The following CNST variants were observed in gnomAD, a reference collection of about 807,000 sequenced individuals.
CNST encodes consortin.
A neutral mutation model predicts 72.4 loss-of-function variants in CNST; 39 were observed. The ratio of observed to expected loss-of-function variants is 0.54; its 90% CI spans 0.42 to 0.70. The LOEUF (loss-of-function observed/expected upper bound fraction) is 0.70, where lower values mean the gene tolerates loss of function less well. Ranked by LOEUF, CNST falls within the 30% of genes least tolerant of loss-of-function variation. The probability of loss-of-function intolerance (pLI) is 0.00; values close to 1 mark genes in which losing one functional copy is unlikely to be tolerated. For missense variants in CNST, 871 were observed against 868.5 expected (o/e 1.00, Z -0.04); for synonymous variants, 332 against 320.1 (o/e 1.04, Z -0.40).
At chr1:246,646,575 G>A (rs142396930) in intron 8 of CNST, among the ~76,000 whole-genome samples, 4 of 152,024 alleles carry the variant, frequency 2.6e-5, no homozygotes, top group Non-Finnish European at 4.4e-5. Context: ...CCGCCTCCCG[G>A]GTTCAAGCAA....
chr1:246,636,251 C>T (rs550244586), intron 6 of CNST, among the ~76,000 whole-genome samples: 32 of 152,230 alleles, frequency 2.1e-4, no homozygotes, highest in Middle Eastern at 3.4e-3. Flanking sequence ...CTTTCACCTG[C>T]GGCACGATGG....
chr1:246,663,633 A>T (rs1208671408), intron 10 of CNST, among the ~76,000 whole-genome samples: 1 of 152,018 alleles, frequency 6.6e-6, no homozygotes, highest in Non-Finnish European at 1.5e-5. Flanking sequence ...TCAGCTACCC[A>T]GGAGGCTGAG....
intron 4 of CNST, chr1:246,632,144 A>C (rs1664809504): frequency 2.2e-6 from 1 of 445,140 alleles, no homozygotes; most frequent in Non-Finnish European, 4.0e-6. Flanking sequence ...GTTTACCTTC[A>C]TAAATAGGCC....
At chr1:246,605,472 G>A (rs1052119305) in intron 2 of CNST, among the ~76,000 whole-genome samples, 65 of 152,338 alleles carry the variant, frequency 4.3e-4, no homozygotes, top group African/African-American at 1.5e-3. Flanking sequence ...AGGCGGTGTG[G>A]AGCATCACGC....
At chr1:246,636,382 T>C (rs895011232) in intron 6 of CNST, among the ~76,000 whole-genome samples, 6 of 151,962 alleles carry the variant, frequency 3.9e-5, no homozygotes, top group Admixed American at 6.6e-5. Flanking sequence ...TGCTAGTAAT[T>C]AAGGGGGAAG....
intron 2 of CNST, among the ~76,000 whole-genome samples, chr1:246,609,830 A>G (rs1413806305): frequency 2.0e-5 from 3 of 152,252 alleles, no homozygotes; most frequent in Admixed American, 2.0e-4. Context: ...CCATTAAATC[A>G]CAGAACTGAA....
At chr1:246,639,624 G>C (rs1470260845) in intron 6 of CNST, among the ~76,000 whole-genome samples, 1 of 152,174 alleles carries the variant, frequency 6.6e-6, no homozygotes, top group Admixed American at 6.5e-5. Flanking sequence ...GGCTACACAG[G>C]AGCAGATCAT....
At chr1:246,645,760 G>A (rs1666024889) in intron 8 of CNST, among the ~76,000 whole-genome samples, 1 of 152,058 alleles carries the variant, frequency 6.6e-6, no homozygotes, top group Non-Finnish European at 1.5e-5. Flanking sequence ...AGTTATGAAT[G>A]CTAAGTGTAC....
chr1:246,612,797 A>T (rs939755846), intron 2 of CNST, among the ~76,000 whole-genome samples: 4 of 151,986 alleles, frequency 2.6e-5, no homozygotes, highest in African/African-American at 9.7e-5. Context: ...CAGTGGGAGG[A>T]TCACTTGAAC....
chr1:246,656,021 A>G (rs1424118930), intron 9 of CNST, among the ~76,000 whole-genome samples: 2 of 152,236 alleles, frequency 1.3e-5, no homozygotes, highest in African/African-American at 2.4e-5. Flanking sequence ...ATGTGCCACT[A>G]TAGTGAAATT....
chr1:246,600,154 G>C (rs973311162), intron 2 of CNST, among the ~76,000 whole-genome samples: 1 of 152,218 alleles, frequency 6.6e-6, no homozygotes, highest in African/African-American at 2.4e-5. Context: ...CCATGGGCTA[G>C]AGCTCACAAG....
intron 1 of CNST, among the ~76,000 whole-genome samples, chr1:246,576,620 T>G (rs962027900): frequency 1.2e-4 from 18 of 151,390 alleles, no homozygotes; most frequent in Non-Finnish European, 2.4e-4. Context: ...CTCAGCCTCT[T>G]TAGTAGCTGG....
At chr1:246,616,618 A>G (rs1400191223) in intron 2 of CNST, among the ~76,000 whole-genome samples, 1 of 151,960 alleles carries the variant, frequency 6.6e-6, no homozygotes, top group East Asian at 1.9e-4. Context: ...GCAGTGGCCC[A>G]GTCTTGGCTC....
rs533543364 is a variant in CNST, at chr1:246,631,755, T to C, written c.586-139T>C. 1.5e-5 allele frequency: 10 copies of C among 672,956 alleles called. No individual in the cohort carries two copies. The Admixed American group carries it at 2.2e-4, about 15-fold the overall frequency. 41.7% of individuals were successfully genotyped at this position (672,956 alleles called of 1,614,324 possible). A position where few individuals can be genotyped will look rare whatever the true frequency, so the allele number is the denominator to read the frequency against. Reference sequence around the variant, plus strand: ...CTACAGTCAGATTTCTTCTGAACTGTTGAATGTAGTTTAAAAAAAGAGTTT... The same window carrying C: ...CTACAGTCAGATTTCTTCTGAACTGCTGAATGTAGTTTAAAAAAAGAGTTT... On this transcript the variant is annotated intron_variant, in intron 3 of 10. Transcript: ENST00000366513.
chr1:246,613,471 T>C (rs1290942510), intron 2 of CNST, among the ~76,000 whole-genome samples: 1 of 151,854 alleles, frequency 6.6e-6, no homozygotes, highest in Non-Finnish European at 1.5e-5. Flanking sequence ...CATAACCTTC[T>C]CTCAGATTTT....
chr1:246,653,003 CAAAAA>C (rs201486368), intron 9 of CNST, among the ~76,000 whole-genome samples: 1 of 101,588 alleles, frequency 9.8e-6, no homozygotes, highest in African/African-American at 3.6e-5. Context: ...GACTCTGTCT[CAAAAA>C]AAAAAAAAAA....
At chr1:246,615,218 C>A (rs1186644410) in intron 2 of CNST, among the ~76,000 whole-genome samples, 2 of 152,284 alleles carry the variant, frequency 1.3e-5, no homozygotes, top group East Asian at 3.9e-4. Context: ...CTCTGTCACC[C>A]AGGCTGGAGC....
intron 1 of CNST, among the ~76,000 whole-genome samples, chr1:246,584,607 G>A (rs567466120): frequency 6.6e-6 from 1 of 152,298 alleles, no homozygotes; most frequent in Non-Finnish European, 1.5e-5. Flanking sequence ...TGCATGATGA[G>A]ATTGATTTGA....
At chr1:246,586,109 ATATGTGTGTGTGTGTG>A (rs1195175173) in intron 1 of CNST, among the ~76,000 whole-genome samples, 3 of 122,174 alleles carry the variant, frequency 2.5e-5, no homozygotes, top group East Asian at 4.5e-4. Context: ...ATATATATAT[ATATGTGTGTGTGTGTG>A]TGTGTGTGTG....
Sources: allele counts gnomAD v4.1 joint callset (sites outside exome capture counted in the v4.1 genomes callset), GRCh38; gene constraint gnomAD v4.1.1; transcripts MANE v1.5; gene names NCBI Gene and HGNC (gene_info 2026-07-23, HGNC 2026-07-21).